The following ATP8A2 variants were observed in gnomAD, a reference collection of about 807,000 sequenced individuals.
ATP8A2 encodes ATPase phospholipid transporting 8A2.
Under a neutral mutation model 165.6 loss-of-function variants are expected in ATP8A2, and 100 were observed. The observed-to-expected ratio is 0.60, with a 90% CI of 0.51 to 0.71. ATP8A2 has a LOEUF of 0.71. ATP8A2 is among the 30% of genes least tolerant of loss of function. The pLI is 0.00. For missense variants in ATP8A2, 1,227 were observed against 1,479.5 expected, an observed-to-expected ratio of 0.83 and a Z score of 2.80; for synonymous variants, 543 against 548.8, an observed-to-expected ratio of 0.99 and a Z score of 0.15.
intron 33 of ATP8A2, among the ~76,000 whole-genome samples, chr13:25,903,564 A>G (rs572894487): frequency 1.1e-4 from 17 of 152,294 alleles, no homozygotes; most frequent in African/African-American, 3.9e-4. Context: ...AAGTCCTTGC[A>G]ATGATCCAGA....
chr13:25,597,301 C>T (rs2040262055), intron 24 of ATP8A2, among the ~76,000 whole-genome samples: 1 of 152,186 alleles, frequency 6.6e-6, no homozygotes, highest in Admixed American at 6.5e-5. Context: ...TACACCTTTG[C>T]CTAATTCCCT....
At chr13:25,592,462 T>C (rs2040113047) in intron 24 of ATP8A2, among the ~76,000 whole-genome samples, 1 of 152,254 alleles carries the variant, frequency 6.6e-6, no homozygotes, top group Non-Finnish European at 1.5e-5. Context: ...CATGAGGGGC[T>C]GAGTACAAGT....
At position 25,667,846 on chromosome 13, in the gene ATP8A2, AC is replaced by A. The variant is rs144827143; in HGVS notation, c.2212-31326del. ...CTGTATACTTTTTAGTTATTTTCTT[AC>A]TGATTTACCATGAGTATTACAATTA... is the stretch of plus-strand genomic sequence containing the variant. On this transcript the variant is annotated intron_variant, in intron 24 of 36. Transcript: ENST00000381655. Among the ~76,000 whole-genome samples the A allele has an allele frequency of 7.9e-4, 120 of 151,252 alleles. 3 individuals carry two copies. The East Asian group carries it at 0.023, about 29-fold the overall frequency.
At chr13:25,920,961 T>G in intron 33 of ATP8A2, among the ~76,000 whole-genome samples, 1 of 152,008 alleles carries the variant, frequency 6.6e-6, no homozygotes, top group East Asian at 1.9e-4. Context: ...TTCTGGCTAC[T>G]CGGGAGGCTG....
intron 33 of ATP8A2, among the ~76,000 whole-genome samples, chr13:25,919,614 C>T (rs1165103889): frequency 6.6e-6 from 1 of 152,194 alleles, no homozygotes; most frequent in Non-Finnish European, 1.5e-5. Context: ...CCTCAACCCA[C>T]TTCCCTACTT....
At position 25,465,744 on chromosome 13, in the gene ATP8A2, C is replaced by T. The variant is rs1288862493; in HGVS notation, c.77-3233C>T. ...CTTTCTTTCTTTCTTTCTTTCCCTC[C>T]CTCCCTCTCTCTCTCTCTTTCTCTC... On this transcript the variant is annotated intron_variant, in intron 1 of 36. Transcript: ENST00000381655. 5.7e-4 allele frequency among the ~76,000 whole-genome samples: 2 copies of T among 3,486 alleles called. 1 individual carries two copies. Among genetic ancestry groups the T allele is most frequent in the African/African-American group, 8.5e-4 (2 of 2,346 alleles). The allele number at this position is 3,486 out of a possible 152,430, so 2.3% of individuals were successfully genotyped here. A position where few individuals can be genotyped will look rare whatever the true frequency, so the allele number is the denominator to read the frequency against.
intron 35 of ATP8A2, among the ~76,000 whole-genome samples, chr13:26,004,342 C>T (rs1348271214): frequency 6.6e-6 from 1 of 152,020 alleles, no homozygotes; most frequent in African/African-American, 2.4e-5. Context: ...AAACACTACT[C>T]ATTTCTGTAT....
chr13:25,934,102 C>A (rs761499488), intron 33 of ATP8A2, among the ~76,000 whole-genome samples: 1 of 152,216 alleles, frequency 6.6e-6, no homozygotes, highest in Admixed American at 6.5e-5. Flanking sequence ...ACTTAAGAAT[C>A]CAAATGAAAA....
chr13:25,557,623 C>T (rs74041022), intron 13 of ATP8A2, among the ~76,000 whole-genome samples: 2,234 of 152,190 alleles, frequency 0.015, 55 homozygotes, highest in African/African-American at 0.051. Flanking sequence ...TTTGTGAGGG[C>T]GTGGGTGTGC....
At chr13:25,389,533 C>T (rs1287216088) in intron 1 of ATP8A2, among the ~76,000 whole-genome samples, 2 of 152,246 alleles carry the variant, frequency 1.3e-5, no homozygotes, top group Admixed American at 1.3e-4. Context: ...TTGACTTAGA[C>T]ACCCTGAGAG....
chr13:25,919,173 C>T (rs930804940), intron 33 of ATP8A2, among the ~76,000 whole-genome samples: 1 of 152,092 alleles, frequency 6.6e-6, no homozygotes, highest in African/African-American at 2.4e-5. Context: ...CAAAAGTATA[C>T]ATTGTCCTTT....
At chr13:25,505,315 A>G (rs2037001290) in intron 2 of ATP8A2, among the ~76,000 whole-genome samples, 1 of 152,026 alleles carries the variant, frequency 6.6e-6, no homozygotes, top group Admixed American at 6.6e-5. Context: ...TTTTCTCAAA[A>G]CCACATAAAC....
At chr13:25,525,266 G>A (rs1214761168) in intron 2 of ATP8A2, among the ~76,000 whole-genome samples, 1 of 151,860 alleles carries the variant, frequency 6.6e-6, no homozygotes, top group Non-Finnish European at 1.5e-5. Flanking sequence ...TTTTTAGCAG[G>A]TTTCTGTATG....
At chr13:25,641,112 G>T (rs1416127991) in intron 24 of ATP8A2, among the ~76,000 whole-genome samples, 3 of 152,050 alleles carry the variant, frequency 2.0e-5, no homozygotes, top group African/African-American at 7.2e-5. Flanking sequence ...TCTCAAAATA[G>T]TAAGAGCTGT....
At chr13:25,743,395 A>G (rs1000469402) in intron 25 of ATP8A2, among the ~76,000 whole-genome samples, 3 of 152,220 alleles carry the variant, frequency 2.0e-5, no homozygotes, top group Non-Finnish European at 2.9e-5. Context: ...GAAGCCATCC[A>G]GTTTATGGTG....
At chr13:25,937,541 C>T (rs2139093582) in intron 33 of ATP8A2, among the ~76,000 whole-genome samples, 1 of 150,718 alleles carries the variant, frequency 6.6e-6, no homozygotes, top group Middle Eastern at 3.4e-3. Context: ...TACCTCGGGG[C>T]CTTTAACAAT....
chr13:25,633,357 A>G (rs2041291864), intron 24 of ATP8A2, among the ~76,000 whole-genome samples: 1 of 152,106 alleles, frequency 6.6e-6, no homozygotes, highest in Non-Finnish European at 1.5e-5. Context: ...GATTTCTCAG[A>G]CTTCAAGGAC....
intron 30 of ATP8A2, among the ~76,000 whole-genome samples, chr13:25,841,556 T>C (rs776543904): frequency 7.9e-5 from 12 of 152,214 alleles, no homozygotes; most frequent in Non-Finnish European, 1.8e-4. Context: ...CCCTAACAAA[T>C]TGAATATTTT....
At chr13:25,554,597 C>G (rs1158788448) in intron 12 of ATP8A2, among the ~76,000 whole-genome samples, 1 of 151,452 alleles carries the variant, frequency 6.6e-6, no homozygotes, top group African/African-American at 2.4e-5. Flanking sequence ...CTTGTGCTGT[C>G]ACCCAGGCTG....
Sources: allele counts gnomAD v4.1 joint callset (sites outside exome capture counted in the v4.1 genomes callset), GRCh38; gene constraint gnomAD v4.1.1; transcripts MANE v1.5; gene names NCBI Gene and HGNC (gene_info 2026-07-23, HGNC 2026-07-21).